HSPA9: variants seen among roughly 807,000 people sequenced by gnomAD.
The protein encoded by HSPA9 is heat shock protein family A (Hsp70) member 9, also known as stress-70 protein, mitochondrial.
Under a neutral mutation model 81.5 loss-of-function variants are expected in HSPA9, and 28 were observed. The observed-to-expected ratio is 0.34, with a 90% CI of 0.25 to 0.47. HSPA9 has a LOEUF of 0.47. HSPA9 is among the 20% of genes least tolerant of loss of function. The pLI is 1.00. For synonymous variants in HSPA9, 293 were observed against 290.4 expected, an observed-to-expected ratio of 1.01 and a Z score of -0.09; for missense variants, 678 against 838.0, an observed-to-expected ratio of 0.81 and a Z score of 2.36.
chr5:138,570,457 T>C (rs1750856329), intron 4 of HSPA9, among the ~76,000 whole-genome samples: 1 of 152,188 alleles, frequency 6.6e-6, no homozygotes, highest in African/African-American at 2.4e-5. Flanking sequence ...ATCATGTCAA[T>C]ACATAGCAAA....
At chr5:138,564,393 T>C (rs1049716264) in intron 9 of HSPA9, among the ~76,000 whole-genome samples, 1 of 152,226 alleles carries the variant, frequency 6.6e-6, no homozygotes, top group African/African-American at 2.4e-5. Flanking sequence ...TGTGAGCCAC[T>C]GCGTGCGGCC....
In HSPA9 at chr5:138,571,455, G is replaced by A. The variant is rs372237851; in HGVS notation, c.229-314C>T. On this transcript the variant is annotated intron_variant, in intron 3 of 16. Coordinates refer to ENST00000297185, the MANE Select transcript of HSPA9 (RefSeq NM_004134.7). ...CCGCCTCAGCCTCCCGAAGTGTTGC[G>A]ATACAGGCATGAGCCAATACGCCCA... Among the ~76,000 whole-genome samples the A allele has an allele frequency of 2.0e-4, 30 of 152,098 alleles. No individual in the cohort carries two copies. The East Asian group carries it at 3.1e-3, about 16-fold the overall frequency.
intron 3 of HSPA9, among the ~76,000 whole-genome samples, chr5:138,571,390 G>A (rs1286220094): frequency 6.6e-6 from 1 of 151,992 alleles, no homozygotes; most frequent in Non-Finnish European, 1.5e-5. Flanking sequence ...TCACCATTTT[G>A]GCCAGGCTGG....
At chr5:138,566,573 T>G in intron 9 of HSPA9, 53 bp downstream of exon 9, 2 of 1,208,978 alleles carry the variant, frequency 1.7e-6, no homozygotes, top group South Asian at 2.4e-5. Context: ...TTATTTTAAA[T>G]AAGCTCCGGC....
chr5:138,572,893 GTCTCT>G (rs1274976192), intron 3 of HSPA9, among the ~76,000 whole-genome samples: 1 of 151,542 alleles, frequency 6.6e-6, no homozygotes, highest in Non-Finnish European at 1.5e-5. Flanking sequence ...CTGATCTATA[GTCTCT>G]TCTTTTTTTT....
intron 14 of HSPA9, 34 bp downstream of exon 14, chr5:138,557,368 T>C: frequency 7.0e-7 from 1 of 1,432,394 alleles, no homozygotes; most frequent in Non-Finnish European, 9.8e-7. Flanking sequence ...TGAGCTTTAC[T>C]AAGATTAAAG....
intron 10 of HSPA9, among the ~76,000 whole-genome samples, chr5:138,561,368 C>T (rs916023089): frequency 3.3e-5 from 5 of 152,118 alleles, no homozygotes; most frequent in East Asian, 1.9e-4. Context: ...CTCAGCCTCC[C>T]GAAGTGTTGG....
At position 138,556,554 on chromosome 5, in the gene HSPA9, C is replaced by T; in HGVS notation, c.1860G>A (p.Glu620=). The T allele has an allele frequency of 6.2e-7, 1 of 1,614,024 alleles. No individual in the cohort carries two copies. ...KLKEEISKMR[E]LLARKDSETG... ...TTTCGCTGTCTTTTCTAGCCAGGAG[C>T]TCCCTCATTTTGGAAATCTCTTCTT... Residue 620 remains glutamate (E), a synonymous_variant, in exon 16 of 17, where the codon GAG becomes GAA. Transcript: ENST00000297185.
In HSPA9 at chr5:138,574,055, A is replaced by G. The variant is rs1751021238; in HGVS notation, c.140+13T>C. ...TATGTATTCCCTCTCAAAGGAAATG[A>G]TATTATACTTACGCATAATCCCGCC... is the stretch of plus-strand genomic sequence containing the variant. On this transcript the variant is annotated intron_variant, in intron 2 of 16. Transcript: ENST00000297185. The G allele has an allele frequency of 1.3e-6, 2 of 1,595,892 alleles. No homozygotes were observed. Among genetic ancestry groups the G allele is most frequent in the African/African-American group, 1.3e-5 (1 of 74,568 alleles).
In HSPA9 at chr5:138,556,410, T is replaced by C. The variant is rs369291304; in HGVS notation, c.1962+42A>G. 827 of 1,606,714 alleles carry C rather than the reference T, an allele frequency of 5.1e-4. 1 individual carries two copies. Among genetic ancestry groups the C allele is most frequent in the Non-Finnish European group, 6.6e-4 (777 of 1,178,002 alleles). ...GTGACAGTCATCAAGAACAGTTCCA[T>C]CCAGATCAAGTTAGAATCAAAATCC... is the stretch of plus-strand genomic sequence containing the variant. On this transcript the variant is annotated intron_variant, in intron 16 of 16. Coordinates refer to ENST00000297185, the MANE Select transcript of HSPA9 (RefSeq NM_004134.7).
intron 3 of HSPA9, 22 bp from the exon 4 acceptor site, chr5:138,571,163 G>A (rs369394303): frequency 1.2e-4 from 186 of 1,611,540 alleles, no homozygotes; most frequent in Non-Finnish European, 1.5e-4. Flanking sequence ...AAATGTGATA[G>A]AGAGTAAGTT....
rs927536657 is a variant in HSPA9 at position 138,553,783 on chromosome 5, A to G, written c.*2254T>C. 5.9e-5 allele frequency among the ~76,000 whole-genome samples: 9 copies of G among 152,206 alleles called. No homozygotes were observed. Among genetic ancestry groups the G allele is most frequent in the Non-Finnish European group, 2.9e-5 (2 of 68,040 alleles). ...TTTGCCTTTTGTGATAGTTAATTTT[A>G]TGTGTCAGTTTAGCCATTGATGCCA... On this transcript the variant is annotated 3_prime_UTR_variant, in exon 17 of 17. Coordinates refer to ENST00000297185, the MANE Select transcript of HSPA9 (RefSeq NM_004134.7).
In HSPA9 at chr5:138,557,515, A is replaced by G; in HGVS notation, c.1634-19T>C. 1 of 1,442,834 alleles carries G rather than the reference A, an allele frequency of 6.9e-7. No homozygotes were observed. Among genetic ancestry groups the G allele is most frequent in the Non-Finnish European group, 9.7e-7 (1 of 1,026,850 alleles). 89.4% of individuals were successfully genotyped at this position (1,442,834 alleles called of 1,614,324 possible). A position where few individuals can be genotyped will look rare whatever the true frequency, so the allele number is the denominator to read the frequency against. On this transcript the variant is annotated intron_variant, in intron 13 of 16. Coordinates refer to ENST00000297185, the MANE Select transcript of HSPA9 (RefSeq NM_004134.7). ...ATTACAACTGTAGTAAACAGAAGGC[A>G]TTTCATTAATTCCCAGGTAAAGTTA...
chr5:138,567,790 T>C, intron 5 of HSPA9, 68 bp from the exon 6 acceptor site: 2 of 1,149,188 alleles, frequency 1.7e-6, no homozygotes, highest in Admixed American at 1.9e-5. Flanking sequence ...CCCAACAACC[T>C]GTGTCATCCT....
intron 16 of HSPA9, 75 bp from the exon 17 acceptor site, chr5:138,556,189 A>C: frequency 8.2e-7 from 1 of 1,221,540 alleles, no homozygotes; most frequent in Non-Finnish European, 1.2e-6. Flanking sequence ...GCACTCCAAG[A>C]TGAGGGACCC....
rs1326663219 is a variant in HSPA9, at chr5:138,573,744, A to T, written c.228+19T>A. The T allele has an allele frequency of 1.3e-6, 2 of 1,481,594 alleles. No individual in the cohort carries two copies. The highest frequency in any genetic ancestry group is 9.4e-7 in the Non-Finnish European group (1 of 1,061,516). The allele number at this position is 1,481,594 out of a possible 1,614,324, so 91.8% of individuals were successfully genotyped here. On this transcript the variant is annotated intron_variant, in intron 3 of 16. Transcript: ENST00000297185. ...CTGGACAGATTCTGGATAAGGTACT[A>T]GTTATCAATCATGCTCACCTTTGCT...
At chr5:138,569,449 C>A (rs1580748878) in intron 4 of HSPA9, among the ~76,000 whole-genome samples, 5 of 152,324 alleles carry the variant, frequency 3.3e-5, no homozygotes, top group Admixed American at 3.3e-4. Context: ...TTTATGGCAG[C>A]ATTATTTCTA....
At chr5:138,565,551 T>C (rs1750743794) in intron 9 of HSPA9, among the ~76,000 whole-genome samples, 2 of 152,154 alleles carry the variant, frequency 1.3e-5, no homozygotes, top group Admixed American at 1.3e-4. Flanking sequence ...CATGGGTCTC[T>C]AACACAGATC....
rs1307336005 is a variant in HSPA9, at chr5:138,558,003, C to A, written c.1516-17G>T. 1.3e-6 allele frequency: 2 copies of A among 1,516,658 alleles called. No individual in the cohort carries two copies. The highest frequency in any genetic ancestry group is 9.2e-7 in the Non-Finnish European group (1 of 1,091,806). 94.0% of individuals were successfully genotyped at this position (1,516,658 alleles called of 1,614,324 possible). The stretch of plus-strand genomic sequence containing the variant: ...AATTCCAATCTAAAATAAATAATAT[C>A]CAGAGTAAGGTCCTCTTACAGAGGG... On this transcript the variant is annotated splice_polypyrimidine_tract_variant and intron_variant, in intron 12 of 16. Transcript: ENST00000297185.
Sources: gnomAD v4.1 joint callset for allele counts (sites outside exome capture counted in the v4.1 genomes callset) on GRCh38, gnomAD v4.1.1 for gene constraint, MANE v1.5 for transcripts, NCBI Gene and HGNC (gene_info 2026-07-23, HGNC 2026-07-21) for gene names.